Variants in MAP6 observed in about 807,000 individuals in gnomAD.
MAP6 encodes microtubule associated protein 6.
A neutral mutation model predicts 42.4 loss-of-function variants in MAP6; 26 were observed. The ratio of observed to expected loss-of-function variants is 0.61; its 90% CI spans 0.45 to 0.85. MAP6 has a LOEUF of 0.85. Ranked by LOEUF, MAP6 falls within the 40% of genes least tolerant of loss-of-function variation. MAP6 has a pLI of 0.00. For synonymous variants in MAP6, 418 were observed against 443.8 expected (o/e 0.94, Z 0.73); for missense variants, 966 against 1,099.0 (o/e 0.88, Z 1.71).
At chr11:75,633,748 C>T (rs1943321367) in intron 1 of MAP6, among the ~76,000 whole-genome samples, 1 of 152,076 alleles carries the variant, frequency 6.6e-6, no homozygotes, top group South Asian at 2.1e-4. Context: ...GACCCTAAGG[C>T]CGGAGGATGT....
intron 1 of MAP6, among the ~76,000 whole-genome samples, chr11:75,633,574 G>A (rs1347404562): frequency 6.6e-6 from 1 of 152,208 alleles, no homozygotes; most frequent in Non-Finnish European, 1.5e-5. Flanking sequence ...ATGTCAGGTG[G>A]TGGGAAGTTC....
At chr11:75,588,455 C>A (rs2135568019) in intron 3 of MAP6, among the ~76,000 whole-genome samples, 1 of 152,260 alleles carries the variant, frequency 6.6e-6, no homozygotes, top group East Asian at 1.9e-4. Flanking sequence ...ACGCTGGTGA[C>A]AATGGCAGTA....
chr11:75,668,922 C>T lies in MAP6; in HGVS notation c.-553G>A, dbSNP rs1241343277. 4 of 166,856 alleles carry T rather than the reference C, an allele frequency of 2.4e-5. No individual in the cohort carries two copies. The highest frequency in any genetic ancestry group is 3.7e-4 in the East Asian group (2 of 5,416). The allele number at this position is 166,856 out of a possible 1,614,324, so 10.3% of individuals were successfully genotyped here. A position where few individuals can be genotyped will look rare whatever the true frequency, so the allele number is the denominator to read the frequency against. On this transcript the variant is annotated 5_prime_UTR_variant, in exon 1 of 4. Coordinates refer to ENST00000304771, the MANE Select transcript of MAP6 (RefSeq NM_033063.2). The stretch of plus-strand genomic sequence containing the variant: ...GCCGCTGCCCGCGAGGATGCCGCAG[C>T]CGCCGCCGCCACCGCCTCTTCTCCT...
chr11:75,607,089 C>A (rs1023686585), intron 2 of MAP6: 1 of 346,270 alleles, frequency 2.9e-6, no homozygotes, highest in Non-Finnish European at 4.1e-6. Context: ...TTCAGTCACT[C>A]CTGACCTGTA....
chr11:75,605,394 A>G (rs1942742262), intron 3 of MAP6: 1 of 989,290 alleles, frequency 1.0e-6, no homozygotes, highest in Non-Finnish European at 1.2e-6. Context: ...ATTTTTGAAA[A>G]GAACACATGT....
At chr11:75,611,804 A>G (rs908652080) in intron 1 of MAP6, among the ~76,000 whole-genome samples, 3 of 152,256 alleles carry the variant, frequency 2.0e-5, no homozygotes, top group Non-Finnish European at 4.4e-5. Flanking sequence ...TCTTAAAACA[A>G]CTTTGAGAAC....
At chr11:75,643,722 T>C (rs1470824138) in intron 1 of MAP6, among the ~76,000 whole-genome samples, 2 of 152,240 alleles carry the variant, frequency 1.3e-5, no homozygotes, top group Non-Finnish European at 2.9e-5. Flanking sequence ...CACTTTTCTA[T>C]GTGCTTTACA....
At chr11:75,620,483 G>GAAAAAAAAA in intron 1 of MAP6, among the ~76,000 whole-genome samples, 1 of 69,752 alleles carries the variant, frequency 1.4e-5, no homozygotes, top group Non-Finnish European at 3.3e-5. Context: ...TCAAAAGAGA[G>GAAAAAAAAA]AAAAAAAAAA....
Position 75,587,250 on chromosome 11 carries a change from G to T in MAP6, c.2251C>A (p.Pro751Thr). 6.2e-7 allele frequency: 1 copy of T among 1,614,122 alleles called. No individual in the cohort carries two copies. Among genetic ancestry groups the T allele is most frequent in the Non-Finnish European group, 8.5e-7 (1 of 1,180,018 alleles). Reference sequence around the variant, plus strand: ...TCCTTCAGAGGCACTGGGACTATAGGAACTTGATTCTTCAGAGGTTCAGGG... The same window carrying T: ...TCCTTCAGAGGCACTGGGACTATAGTAACTTGATTCTTCAGAGGTTCAGGG... Reference protein sequence around the residue: ...IVPEPLKNQVPIVPVPLKDQD... With the variant: ...IVPEPLKNQVTIVPVPLKDQD... Residue 751 changes from proline (P) to threonine (T), a missense_variant, in exon 4 of 4, where the codon CCT becomes ACT. By Grantham distance (38) the Pro-to-Thr change is conservative. Transcript: ENST00000304771.
chr11:75,640,637 GA>G (rs1277809547), intron 1 of MAP6, among the ~76,000 whole-genome samples: 1 of 151,906 alleles, frequency 6.6e-6, no homozygotes, highest in Non-Finnish European at 1.5e-5. Context: ...AAATTTACAA[GA>G]AAAAAACAAA....
At chr11:75,661,133 T>A (rs1943837106) in intron 1 of MAP6, among the ~76,000 whole-genome samples, 1 of 151,912 alleles carries the variant, frequency 6.6e-6, no homozygotes, top group South Asian at 2.1e-4. Context: ...CAGAAAAAAA[T>A]AAATTATCAA....
intron 1 of MAP6, among the ~76,000 whole-genome samples, chr11:75,630,520 G>C (rs897917352): frequency 6.6e-6 from 1 of 152,114 alleles, no homozygotes; most frequent in African/African-American, 2.4e-5. Context: ...AATTTTAAAA[G>C]AGGCTTCTAT....
At chr11:75,624,288 C>T (rs1202588527) in intron 1 of MAP6, among the ~76,000 whole-genome samples, 1 of 152,278 alleles carries the variant, frequency 6.6e-6, no homozygotes, top group East Asian at 1.9e-4. Context: ...CAAAACTTGC[C>T]TGGGCTGGGA....
intron 1 of MAP6, among the ~76,000 whole-genome samples, chr11:75,659,743 A>G (rs1251559428): frequency 6.6e-6 from 1 of 152,228 alleles, no homozygotes; most frequent in Non-Finnish European, 1.5e-5. Context: ...CATAAAGCCA[A>G]AGCAGCATTG....
intron 1 of MAP6, among the ~76,000 whole-genome samples, chr11:75,637,191 A>T (rs570148800): frequency 2.0e-5 from 3 of 152,336 alleles, no homozygotes; most frequent in African/African-American, 7.2e-5. Context: ...TGGGGTTAGA[A>T]TTTTAAATCA....
At chr11:75,659,140 G>A (rs891444855) in intron 1 of MAP6, among the ~76,000 whole-genome samples, 9 of 152,216 alleles carry the variant, frequency 5.9e-5, no homozygotes, top group African/African-American at 2.2e-4. Flanking sequence ...GAAGTGCTGA[G>A]TGTAGAGAAA....
chr11:75,605,692 CAG>C, intron 3 of MAP6, 114 bp downstream of exon 3: 3 of 1,510,642 alleles, frequency 2.0e-6, no homozygotes, highest in Non-Finnish European at 2.6e-6. Flanking sequence ...AGGACCAAGG[CAG>C]ATGAGAAGCC....
Position 75,667,319 on chromosome 11 carries a change from G to A in MAP6, c.905+146C>T. The A allele has an allele frequency of 1.5e-6, 1 of 665,322 alleles. No individual in the cohort carries two copies. Among genetic ancestry groups the A allele is most frequent in the Non-Finnish European group, 2.3e-6 (1 of 436,460 alleles). 41.2% of individuals were successfully genotyped at this position (665,322 alleles called of 1,614,324 possible). ...GAAGAGAAGGCTTCGACAGGAGGTGGCCTGGGAGGCGGCTGGGGAGAGGGT... is the reference window on the plus strand; with the variant it reads ...GAAGAGAAGGCTTCGACAGGAGGTGACCTGGGAGGCGGCTGGGGAGAGGGT... On this transcript the variant is annotated intron_variant, in intron 1 of 3. Transcript: ENST00000304771. This position sits in a 1 kb window ranked among gnomAD's most constrained non-coding sequence, Gnocchi z 5.6.
rs972543194 is a variant in MAP6, at chr11:75,637,149, C to T, written c.906-28827G>A. ...AATTTAAAGAGTCAGGAAGCTTAAG[C>T]AAAGCCTTCTATTAGTGATTTTGCT... On this transcript the variant is annotated intron_variant, in intron 1 of 3. Coordinates refer to ENST00000304771, the MANE Select transcript of MAP6 (RefSeq NM_033063.2). Among the ~76,000 whole-genome samples the T allele has an allele frequency of 2.6e-5, 4 of 152,308 alleles. No homozygotes were observed. In the East Asian group the frequency reaches 7.7e-4, roughly 29 times the overall value.
Sources: gnomAD v4.1 joint callset for allele counts (sites outside exome capture counted in the v4.1 genomes callset) on GRCh38, gnomAD v4.1.1 for gene constraint, Gnocchi (gnomAD v3.1) non-coding constraint, MANE v1.5 for transcripts, NCBI Gene and HGNC (gene_info 2026-07-23, HGNC 2026-07-21) for gene names.